Variants in RBFOX1 observed in about 807,000 individuals in gnomAD.
RBFOX1 encodes the protein RNA binding fox-1 homolog 1.
In RBFOX1, 8 loss-of-function variants were observed where a neutral mutation model predicts 57.7. That is an observed-to-expected ratio of 0.14 (90% CI 0.08 to 0.25). The LOEUF (loss-of-function observed/expected upper bound fraction) is 0.25. Ranked by LOEUF, RBFOX1 falls within the 10% of genes least tolerant of loss-of-function variation. The probability of loss-of-function intolerance (pLI) is 1.00; values close to 1 mark genes in which losing one functional copy is unlikely to be tolerated. For synonymous variants in RBFOX1, 326 were observed against 222.4 expected (o/e 1.47, Z -4.15); for missense variants, 611 against 548.5 (o/e 1.11, Z -1.14).
intron 2 of RBFOX1, among the ~76,000 whole-genome samples, chr16:6,644,822 G>A (rs1404146528): frequency 6.6e-6 from 1 of 152,170 alleles, no homozygotes; most frequent in East Asian, 1.9e-4. Flanking sequence ...CTTAGACTAA[G>A]CGGAGGTGGC....
At chr16:6,901,474 T>A (rs1210993244) in intron 3 of RBFOX1, among the ~76,000 whole-genome samples, 1 of 152,136 alleles carries the variant, frequency 6.6e-6, no homozygotes, top group Non-Finnish European at 1.5e-5. Context: ...CCCCTACGAC[T>A]CTTCCTTAGC....
chr16:6,666,455 A>C (rs2154104517), intron 3 of RBFOX1, among the ~76,000 whole-genome samples: 1 of 150,526 alleles, frequency 6.6e-6, no homozygotes, highest in East Asian at 2.0e-4. Flanking sequence ...TAGGAGAATC[A>C]CTTGAACCTG....
intron 10 of RBFOX1, among the ~76,000 whole-genome samples, chr16:7,622,840 A>G (rs1427755783): frequency 6.6e-6 from 1 of 152,226 alleles, no homozygotes; most frequent in African/African-American, 2.4e-5. Flanking sequence ...TTAAAACTCT[A>G]CCATAACCCT....
intron 4 of RBFOX1, among the ~76,000 whole-genome samples, chr16:5,891,737 G>T (rs1440100205): frequency 6.6e-6 from 1 of 152,162 alleles, no homozygotes; most frequent in African/African-American, 2.4e-5. Context: ...AAAGGGCTGT[G>T]GGGCCCAGAA....
intron 4 of RBFOX1, among the ~76,000 whole-genome samples, chr16:7,230,367 C>T (rs1281995320): frequency 6.6e-6 from 1 of 152,136 alleles, no homozygotes; most frequent in Admixed American, 6.5e-5. Flanking sequence ...TTCTTGCAGT[C>T]ATGCCTCAGT....
chr16:6,687,408 A>C (rs1360264362), intron 3 of RBFOX1, among the ~76,000 whole-genome samples: 1 of 152,208 alleles, frequency 6.6e-6, no homozygotes, highest in Non-Finnish European at 1.5e-5. Context: ...CCATGTAACC[A>C]AAAACCACTT....
intron 3 of RBFOX1, among the ~76,000 whole-genome samples, chr16:5,713,921 C>G (rs954145061): frequency 1.3e-5 from 2 of 152,198 alleles, no homozygotes; most frequent in African/African-American, 4.8e-5. Flanking sequence ...CTTCCAGTGA[C>G]CTCTTTCTGG....
At chr16:5,982,365 C>G (rs550927748) in intron 4 of RBFOX1, among the ~76,000 whole-genome samples, 5 of 152,188 alleles carry the variant, frequency 3.3e-5, no homozygotes, top group Admixed American at 2.0e-4. Flanking sequence ...CCTCCGCCTT[C>G]TGGGTTCAAG....
intron 2 of RBFOX1, among the ~76,000 whole-genome samples, chr16:6,486,089 T>C (rs1324139473): frequency 9.0e-6 from 1 of 111,344 alleles, no homozygotes; most frequent in East Asian, 5.1e-4. Context: ...AGGCTTTTTT[T>C]TTTTTTTTTT....
At chr16:6,156,608 G>A (rs1466309970) in intron 1 of RBFOX1, among the ~76,000 whole-genome samples, 2 of 152,108 alleles carry the variant, frequency 1.3e-5, no homozygotes, top group Non-Finnish European at 2.9e-5. Flanking sequence ...GGCCAGCTTG[G>A]CCACCTGTGG....
intron 2 of RBFOX1, among the ~76,000 whole-genome samples, chr16:6,640,589 C>T (rs2098479213): frequency 6.6e-6 from 1 of 151,840 alleles, no homozygotes; most frequent in African/African-American, 2.4e-5. Flanking sequence ...GCCTCAGCGA[C>T]AGAGTAAGAC....
chr16:5,301,634 A>AAC (rs1555484665), intron 1 of RBFOX1, among the ~76,000 whole-genome samples: 9 of 150,372 alleles, frequency 6.0e-5, no homozygotes, highest in African/African-American at 2.0e-4. Context: ...AAAAAAAAAA[A>AAC]AAAACACACA....
At chr16:5,606,309 C>G (rs1295303123) in intron 3 of RBFOX1, among the ~76,000 whole-genome samples, 2 of 152,102 alleles carry the variant, frequency 1.3e-5, no homozygotes, top group East Asian at 3.9e-4. Flanking sequence ...GCTATCCTTT[C>G]TGCTTGAATT....
At chr16:6,112,942 C>G (rs1319796236) in intron 1 of RBFOX1, among the ~76,000 whole-genome samples, 1 of 152,138 alleles carries the variant, frequency 6.6e-6, no homozygotes, top group Middle Eastern at 3.2e-3. Flanking sequence ...GCATTTTTAA[C>G]TTCATTTGGG....
intron 3 of RBFOX1, among the ~76,000 whole-genome samples, chr16:6,729,043 T>C (rs1225677857): frequency 6.6e-6 from 1 of 152,172 alleles, no homozygotes; most frequent in Non-Finnish European, 1.5e-5. Context: ...AAATAATTCA[T>C]TTGATCCTGT....
At chr16:7,472,006 G>C (rs1013175710) in intron 4 of RBFOX1, among the ~76,000 whole-genome samples, 1 of 152,194 alleles carries the variant, frequency 6.6e-6, no homozygotes, top group African/African-American at 2.4e-5. Context: ...TGAGGTAGTA[G>C]TGGAACAATT....
chr16:7,239,794 T>G (rs1453507315), intron 4 of RBFOX1, among the ~76,000 whole-genome samples: 1 of 152,190 alleles, frequency 6.6e-6, no homozygotes, highest in African/African-American at 2.4e-5. Context: ...AAATGGGGCA[T>G]TTGGCTTATA....
intron 4 of RBFOX1, among the ~76,000 whole-genome samples, chr16:7,144,160 T>C (rs1038657858): frequency 6.6e-6 from 1 of 152,152 alleles, no homozygotes; most frequent in Non-Finnish European, 1.5e-5. Context: ...CAAAAATGAT[T>C]GTTTAAGAAA....
At chr16:6,658,929 TTTTTTTG>T (rs765367085) in intron 3 of RBFOX1, among the ~76,000 whole-genome samples, 11 of 131,210 alleles carry the variant, frequency 8.4e-5, no homozygotes, top group African/African-American at 1.4e-4. Flanking sequence ...TGTTTTTTGG[TTTTTTTG>T]TTTTTTTTGT....
Sources: allele counts gnomAD v4.1 joint callset (sites outside exome capture counted in the v4.1 genomes callset), GRCh38; gene constraint gnomAD v4.1.1; transcripts MANE v1.5; gene names NCBI Gene and HGNC (gene_info 2026-07-23, HGNC 2026-07-21).